The following PRDM5 variants were observed in gnomAD, a reference collection of about 807,000 sequenced individuals.
PRDM5 encodes PR domain zinc finger protein 5.
In PRDM5, 56 loss-of-function variants were observed where a neutral mutation model predicts 81.2. The observed-to-expected ratio is 0.69, with a 90% CI of 0.56 to 0.86. The LOEUF (loss-of-function observed/expected upper bound fraction) is 0.86, where lower values mean the gene tolerates loss of function less well. PRDM5 is among the 40% of genes least tolerant of loss of function. The pLI, the probability that PRDM5 is intolerant of heterozygous loss-of-function variation, is 0.00. For synonymous variants in PRDM5, 267 were observed against 256.4 expected, an observed-to-expected ratio of 1.04 and a Z score of -0.39; for missense variants, 697 against 770.1, an observed-to-expected ratio of 0.91 and a Z score of 1.12.
chr4:120,754,520 G>A (rs760360359), intron 14 of PRDM5, 33 bp downstream of exon 14: 3 of 1,408,578 alleles, frequency 2.1e-6, no homozygotes, highest in South Asian at 1.2e-5. Context: ...TGGTTTTCAT[G>A]ATCAATATTA....
chr4:120,819,352 G>A (rs1741871346), intron 4 of PRDM5, among the ~76,000 whole-genome samples: 1 of 151,940 alleles, frequency 6.6e-6, no homozygotes, highest in Admixed American at 6.6e-5. Context: ...TTAGACATTT[G>A]GGTGGCTTGT....
intron 2 of PRDM5, among the ~76,000 whole-genome samples, chr4:120,876,837 A>T (rs1762375671): frequency 6.6e-6 from 1 of 152,208 alleles, no homozygotes; most frequent in African/African-American, 2.4e-5. Context: ...TGCTATAGGA[A>T]CTAGGATGTA....
intron 2 of PRDM5, among the ~76,000 whole-genome samples, chr4:120,893,497 T>C (rs1019553281): frequency 6.6e-6 from 1 of 152,232 alleles, no homozygotes; most frequent in Non-Finnish European, 1.5e-5. Flanking sequence ...TGACTTGCAC[T>C]CTATGACTCA....
At chr4:120,850,565 C>T (rs1034749504) in intron 3 of PRDM5, among the ~76,000 whole-genome samples, 1 of 152,076 alleles carries the variant, frequency 6.6e-6, no homozygotes, top group African/African-American at 2.4e-5. Flanking sequence ...CACTGCATCC[C>T]TATTAAGAAA....
At chr4:120,738,291 G>C (rs1008723252) in intron 14 of PRDM5, among the ~76,000 whole-genome samples, 1 of 152,182 alleles carries the variant, frequency 6.6e-6, no homozygotes, top group Non-Finnish European at 1.5e-5. Context: ...CTCAGTTTCA[G>C]ACTCTACCGT....
In PRDM5 at chr4:120,904,194, A is replaced by AAAAAAAAAAAAC. The variant is rs1197929194; in HGVS notation, c.177+3268_177+3279dup. 9.1e-5 allele frequency among the ~76,000 whole-genome samples: 13 copies of AAAAAAAAAAAAC among 143,312 alleles called. 1 individual carries two copies. The highest frequency in any genetic ancestry group is 3.4e-4 in the African/African-American group (13 of 37,784). The allele number at this position is 143,312 out of a possible 152,430, so 94.0% of individuals were successfully genotyped here. On this transcript the variant is annotated intron_variant, in intron 2 of 15. Coordinates refer to ENST00000264808, the MANE Select transcript of PRDM5 (RefSeq NM_018699.4). ...GACAGAGGGAGACTCCTTCTCAAAA[A>AAAAAAAAAAAAC]AAAAAAAAAAACAAAAAAACCTCCT...
chr4:120,797,140 T>C (rs1385706570), intron 10 of PRDM5, among the ~76,000 whole-genome samples: 1 of 152,012 alleles, frequency 6.6e-6, no homozygotes, highest in Admixed American at 6.6e-5. Flanking sequence ...TATTAATAAC[T>C]TGAAGAGAAA....
At chr4:120,713,746 C>T (rs1245857753) in intron 14 of PRDM5, among the ~76,000 whole-genome samples, 2 of 152,114 alleles carry the variant, frequency 1.3e-5, no homozygotes, top group South Asian at 2.1e-4. Context: ...ATTTTTAATG[C>T]TTGTCTTAGT....
chr4:120,768,333 T>G (rs1282637476), intron 13 of PRDM5, among the ~76,000 whole-genome samples: 1 of 152,186 alleles, frequency 6.6e-6, no homozygotes, highest in Non-Finnish European at 1.5e-5. Context: ...TCTGAATCCG[T>G]GCTTCCTCAT....
At chr4:120,784,206 C>A (rs763786146) in intron 11 of PRDM5, among the ~76,000 whole-genome samples, 4 of 152,022 alleles carry the variant, frequency 2.6e-5, no homozygotes, top group Non-Finnish European at 5.9e-5. Flanking sequence ...GAAGGGATAT[C>A]CTTTAGTGAT....
chr4:120,706,314 A>G (rs1736136395), intron 15 of PRDM5, among the ~76,000 whole-genome samples: 1 of 152,138 alleles, frequency 6.6e-6, no homozygotes, highest in Non-Finnish European at 1.5e-5. Flanking sequence ...TATGCAAACC[A>G]TGGATCTCTG....
At chr4:120,718,576 T>C (rs1248325307) in intron 14 of PRDM5, among the ~76,000 whole-genome samples, 1 of 152,170 alleles carries the variant, frequency 6.6e-6, no homozygotes, top group Admixed American at 6.5e-5. Context: ...TCTGCAAAAG[T>C]GGAACATTTT....
intron 13 of PRDM5, among the ~76,000 whole-genome samples, chr4:120,756,774 G>C (rs1017043596): frequency 1.3e-5 from 2 of 152,092 alleles, no homozygotes; most frequent in Admixed American, 1.3e-4. Context: ...TTTAGTGATA[G>C]ATAATAAACA....
intron 11 of PRDM5, among the ~76,000 whole-genome samples, chr4:120,784,460 T>C (rs1000447631): frequency 6.6e-6 from 1 of 152,122 alleles, no homozygotes; most frequent in Non-Finnish European, 1.5e-5. Flanking sequence ...AAAGCACCTA[T>C]CAGGGACCTG....
rs746723307 is a variant in PRDM5, at chr4:120,695,107, C to T, written c.*4G>A. On this transcript the variant is annotated 3_prime_UTR_variant, in exon 16 of 16. Transcript: ENST00000264808. ...TGAATAGTTTAATTCCTTTACAGCCCCTATTAGCTGTCAGCTACACCATGG... is the reference window on the plus strand; with the variant it reads ...TGAATAGTTTAATTCCTTTACAGCCTCTATTAGCTGTCAGCTACACCATGG... The T allele has an allele frequency of 6.5e-5, 105 of 1,611,188 alleles. No homozygotes were observed. Among genetic ancestry groups the T allele is most frequent in the Non-Finnish European group, 8.5e-5 (100 of 1,177,688 alleles).
Position 120,747,078 on chromosome 4 carries a change from T to C in PRDM5, c.1623+7475A>G, listed in dbSNP as rs910605134. Among the ~76,000 whole-genome samples, 3 of 147,176 alleles carry C rather than the reference T, an allele frequency of 2.0e-5. No individual in the cohort carries two copies. In the Admixed American group the frequency reaches 2.0e-4, roughly 10 times the overall value. On this transcript the variant is annotated intron_variant, in intron 14 of 15. Transcript: ENST00000264808. ...GATTGGATTAAGAAAATGTGGCACA[T>C]ATACACCATAGAATACTATGCAGCC...
intron 3 of PRDM5, among the ~76,000 whole-genome samples, chr4:120,831,195 G>A (rs910712031): frequency 3.3e-5 from 5 of 151,932 alleles, no homozygotes; most frequent in African/African-American, 1.2e-4. Flanking sequence ...GTGATTAGAG[G>A]GCGGACATGT....
chr4:120,699,126 C>A (rs1734924484), intron 15 of PRDM5, among the ~76,000 whole-genome samples: 1 of 132,520 alleles, frequency 7.5e-6, no homozygotes, highest in Non-Finnish European at 1.6e-5. Flanking sequence ...CCAAAGTCAT[C>A]TTTAACAAAT....
chr4:120,788,098 T>C (rs1174146316), intron 10 of PRDM5, among the ~76,000 whole-genome samples: 4 of 152,094 alleles, frequency 2.6e-5, no homozygotes, highest in East Asian at 1.9e-4. Context: ...AAATGACAAA[T>C]GTGCACATCC....
Sources: gnomAD v4.1 joint callset for allele counts (sites outside exome capture counted in the v4.1 genomes callset) on GRCh38, gnomAD v4.1.1 for gene constraint, MANE v1.5 for transcripts, NCBI Gene and HGNC (gene_info 2026-07-23, HGNC 2026-07-21) for gene names.